Variants in ATP5MC2 observed in about 807,000 individuals in gnomAD.
ATP5MC2 encodes the protein ATP synthase F(0) complex subunit C2, mitochondrial.
In ATP5MC2, 11 loss-of-function variants were observed where a neutral mutation model predicts 13.5. The observed-to-expected ratio is 0.81, with a 90% CI of 0.51 to 1.35. The LOEUF (loss-of-function observed/expected upper bound fraction) is 1.35. Ranked by LOEUF, ATP5MC2 falls within the 40% of genes most tolerant of loss-of-function variation. The pLI is 0.00. For synonymous variants in ATP5MC2, 64 were observed against 69.7 expected (o/e 0.92, Z 0.41); for missense variants, 132 against 175.0 (o/e 0.75, Z 1.39).
intron 1 of ATP5MC2, chr12:53,673,390 T>C (rs1945166541): frequency 6.6e-6 from 1 of 152,660 alleles, no homozygotes; most frequent in South Asian, 2.0e-4. Context: ...GGGAGATATT[T>C]GTTGAAGGCC....
chr12:53,681,400 C>T (rs1176901687), upstream of ATP5MC2, among the ~76,000 whole-genome samples: 1 of 150,812 alleles, frequency 6.6e-6, no homozygotes, highest in East Asian at 2.0e-4. Context: ...GTGGTGGGCA[C>T]CTGTAATCCC....
upstream of ATP5MC2, chr12:53,676,909 G>C: frequency 6.6e-6 from 1 of 152,438 alleles, no homozygotes; most frequent in Non-Finnish European, 1.5e-5. Flanking sequence ...GGAAGGAGGT[G>C]GGGGAGGCTT....
At chr12:53,665,569 C>T (rs1259182311) in intron 4 of ATP5MC2, 141 bp from the exon 5 acceptor site, 1 of 721,452 alleles carries the variant, frequency 1.4e-6, no homozygotes, top group Non-Finnish European at 2.4e-6. Flanking sequence ...CACCATCATG[C>T]CCAAATTCTT....
At chr12:53,666,440 G>C in intron 4 of ATP5MC2, among the ~76,000 whole-genome samples, 1 of 152,126 alleles carries the variant, frequency 6.6e-6, no homozygotes, top group African/African-American at 2.4e-5. Context: ...AGCCAGGCGT[G>C]TTGGCAGGCG....
At chr12:53,668,145 C>T (rs188994546) in intron 4 of ATP5MC2, among the ~76,000 whole-genome samples, 4 of 150,058 alleles carry the variant, frequency 2.7e-5, no homozygotes, top group Admixed American at 6.6e-5. Context: ...CCCACCACAA[C>T]GCCTGGCTAA....
intron 2 of ATP5MC2, 128 bp downstream of exon 2, chr12:53,672,448 C>G: frequency 3.9e-6 from 4 of 1,013,112 alleles, no homozygotes; most frequent in Non-Finnish European, 6.0e-6. Flanking sequence ...TTTTGAACTC[C>G]TGGCCTCAAG....
At chr12:53,677,783 C>T (rs896612208), upstream of ATP5MC2, among the ~76,000 whole-genome samples, 1 of 152,182 alleles carries the variant, frequency 6.6e-6, no homozygotes, top group Non-Finnish European at 1.5e-5. Context: ...TTATCAAGTA[C>T]CAAGTGGTGC....
chr12:53,666,650 C>T (rs1294246374), intron 4 of ATP5MC2, among the ~76,000 whole-genome samples: 1 of 151,364 alleles, frequency 6.6e-6, no homozygotes, highest in African/African-American at 2.4e-5. Context: ...ATCCCAGCTA[C>T]TTGGGAGGCT....
At chr12:53,679,921 A>G (rs930388086), upstream of ATP5MC2, among the ~76,000 whole-genome samples, 3 of 152,224 alleles carry the variant, frequency 2.0e-5, no homozygotes, top group African/African-American at 7.2e-5. Flanking sequence ...ATGGTGGCAG[A>G]GGGATGACCA....
At chr12:53,666,099 G>A (rs1944907202) in intron 4 of ATP5MC2, among the ~76,000 whole-genome samples, 1 of 151,960 alleles carries the variant, frequency 6.6e-6, no homozygotes, top group South Asian at 2.1e-4. Flanking sequence ...CTTGAAGCCA[G>A]AAGTTGGAGA....
intron 4 of ATP5MC2, among the ~76,000 whole-genome samples, chr12:53,667,071 G>A (rs138635331): frequency 9.5e-4 from 144 of 152,248 alleles, no homozygotes; most frequent in African/African-American, 3.3e-3. Context: ...GATACCTCCA[G>A]AAGTCTTGAT....
At chr12:53,676,174 A>T (rs1177503520), upstream of ATP5MC2, 1 of 1,614,240 alleles carries the variant, frequency 6.2e-7, no homozygotes, top group Non-Finnish European at 8.5e-7. Context: ...ATTGCAACAT[A>T]CAGGATCAGC....
At chr12:53,680,079 G>A (rs763506397), upstream of ATP5MC2, among the ~76,000 whole-genome samples, 5 of 152,144 alleles carry the variant, frequency 3.3e-5, no homozygotes, top group Non-Finnish European at 5.9e-5. Context: ...TCGACCTCCT[G>A]GGTTCAATTG....
rs770949308 is a variant in ATP5MC2, at chr12:53,672,623, G to A, written c.-9C>T. On this transcript the variant is annotated 5_prime_UTR_variant, in exon 2 of 5. Transcript: ENST00000394349. The stretch of plus-strand genomic sequence containing the variant: ...TTGGAGCAGGCGAACATTTTCAGGG[G>A]GTGAGGAGCTGTGGCAGGAGAGCTG... The A allele has an allele frequency of 1.9e-6, 3 of 1,582,840 alleles. No homozygotes were observed. Among genetic ancestry groups the A allele is most frequent in the Non-Finnish European group, 2.6e-6 (3 of 1,164,204 alleles).
At position 53,672,621 on chromosome 12, in the gene ATP5MC2, G is replaced by T. The variant is rs182053874; in HGVS notation, c.-7C>A. 15 of 1,583,160 alleles carry T rather than the reference G, an allele frequency of 9.5e-6. No individual in the cohort carries two copies. Among genetic ancestry groups the T allele is most frequent in the Non-Finnish European group, 1.3e-5 (15 of 1,164,354 alleles). ...ACTTGGAGCAGGCGAACATTTTCAGGGGGTGAGGAGCTGTGGCAGGAGAGC... is the reference window on the plus strand; with the variant it reads ...ACTTGGAGCAGGCGAACATTTTCAGTGGGTGAGGAGCTGTGGCAGGAGAGC... On this transcript the variant is annotated 5_prime_UTR_variant, in exon 2 of 5. Transcript: ENST00000394349.
At chr12:53,668,464 C>T (rs938091386) in intron 4 of ATP5MC2, among the ~76,000 whole-genome samples, 2 of 151,496 alleles carry the variant, frequency 1.3e-5, no homozygotes, top group Non-Finnish European at 2.9e-5. Context: ...CCCCCCTTAC[C>T]CAGGTAATTT....
At chr12:53,667,764 G>A (rs932533446) in intron 4 of ATP5MC2, among the ~76,000 whole-genome samples, 3 of 151,650 alleles carry the variant, frequency 2.0e-5, no homozygotes, top group African/African-American at 7.3e-5. Context: ...CAAAGTGCTG[G>A]GATTATAGGC....
chr12:53,672,759 A>AAGGTC, intron 1 of ATP5MC2, 114 bp from the exon 2 acceptor site: 3 of 891,392 alleles, frequency 3.4e-6, no homozygotes, highest in Non-Finnish European at 5.1e-6. Context: ...GACTGACCTT[A>AAGGTC]AGTCATTGGC....
chr12:53,668,303 CTT>C (rs1268670313), intron 4 of ATP5MC2, among the ~76,000 whole-genome samples: 3 of 142,226 alleles, frequency 2.1e-5, no homozygotes, highest in Admixed American at 1.4e-4. Flanking sequence ...TTGTTTTTTT[CTT>C]TTTTTTTTTT....
Sources: allele counts gnomAD v4.1 joint callset (sites outside exome capture counted in the v4.1 genomes callset), GRCh38; gene constraint gnomAD v4.1.1; transcripts MANE v1.5; gene names NCBI Gene and HGNC (gene_info 2026-07-23, HGNC 2026-07-21).